Variants in EPB41L3 observed in about 807,000 individuals in gnomAD.
The protein encoded by EPB41L3 is erythrocyte membrane protein band 4.1 like 3, also known as band 4.1-like protein 3.
A neutral mutation model predicts 127.1 loss-of-function variants in EPB41L3; 57 were observed. The observed-to-expected ratio is 0.45, with a 90% CI of 0.36 to 0.56. EPB41L3 has a LOEUF of 0.56. EPB41L3 is among the 20% of genes least tolerant of loss of function. EPB41L3 has a pLI of 0.00. For missense variants in EPB41L3, 1,273 were observed against 1,372.2 expected, an observed-to-expected ratio of 0.93 and a Z score of 1.14; for synonymous variants, 572 against 549.5, an observed-to-expected ratio of 1.04 and a Z score of -0.57.
intron 3 of EPB41L3, among the ~76,000 whole-genome samples, chr18:5,461,155 T>C (rs1051455573): frequency 6.6e-6 from 1 of 152,162 alleles, no homozygotes; most frequent in Non-Finnish European, 1.5e-5. Flanking sequence ...GCATTTTGCT[T>C]GGGGTAATCA....
intron 5 of EPB41L3, among the ~76,000 whole-genome samples, chr18:5,440,695 T>C (rs1393704792): frequency 6.6e-6 from 1 of 152,220 alleles, no homozygotes; most frequent in Non-Finnish European, 1.5e-5. Flanking sequence ...GCCAGACAAA[T>C]CTTAAAATTT....
At chr18:5,488,762 C>G (rs1434937553) in intron 2 of EPB41L3, 4 of 459,968 alleles carry the variant, frequency 8.7e-6, no homozygotes, top group Non-Finnish European at 1.5e-5. Flanking sequence ...CCAATAATCT[C>G]CAGTCTGGAC....
intron 6 of EPB41L3, among the ~76,000 whole-genome samples, chr18:5,435,763 C>G (rs1206950754): frequency 6.6e-6 from 1 of 152,180 alleles, no homozygotes. Context: ...ACAGGTCTTA[C>G]TATACGAGCA....
Position 5,397,131 on chromosome 18 carries a change from G to A in EPB41L3, c.2768C>T (p.Ser923Phe), listed in dbSNP as rs1470262975. 3.7e-6 allele frequency: 6 copies of A among 1,614,164 alleles called. No individual in the cohort carries two copies. In the East Asian group the frequency reaches 8.9e-5, roughly 24 times the overall value. The change falls in exon 18 of 23, where the codon TCC (serine) becomes TTC (phenylalanine). Residue 923 changes from serine (S) to phenylalanine (F), a missense_variant. This residue lies in a region of EPB41L3 where 765 missense variants were observed against 782.9 expected (regional missense o/e 0.98). Coordinates refer to ENST00000341928, the MANE Select transcript of EPB41L3 (RefSeq NM_012307.5). The surrounding 1 kb of genome is among the most constrained non-coding windows in gnomAD (Gnocchi z 4.1). ...VLEQEETAAA[S>F]RERQEEQSAA... The stretch of plus-strand genomic sequence containing the variant: ...ACTCTGCTCCTCTTGTCGCTCACGG[G>A]AAGCAGCGGCTGTCTCTTCCTGTTC...
intron 1 of EPB41L3, among the ~76,000 whole-genome samples, chr18:5,624,779 C>G (rs2094903828): frequency 6.6e-6 from 1 of 152,188 alleles, no homozygotes; most frequent in Non-Finnish European, 1.5e-5. Context: ...GATGAAGTCA[C>G]AGCTCTCAAT....
chr18:5,532,862 T>C (rs1199892550), intron 1 of EPB41L3, among the ~76,000 whole-genome samples: 4 of 152,106 alleles, frequency 2.6e-5, no homozygotes, highest in Non-Finnish European at 5.9e-5. Context: ...TTTACAGTTC[T>C]AGTCAGGAGA....
At position 5,450,129 on chromosome 18, in the gene EPB41L3, G is replaced by A. The variant is rs565762335; in HGVS notation, c.382-4885C>T. ...TCATCCTGGAAAAGGCAAAACTAAG[G>A]GAAAAAGGCAAAACTAAAGGCAAAA... On this transcript the variant is annotated intron_variant, in intron 3 of 22. Transcript: ENST00000341928. 1.3e-4 allele frequency among the ~76,000 whole-genome samples: 20 copies of A among 152,048 alleles called. No individual in the cohort carries two copies. The East Asian group carries it at 2.1e-3, about 16-fold the overall frequency.
intron 1 of EPB41L3, among the ~76,000 whole-genome samples, chr18:5,504,173 C>A (rs1214743882): frequency 2.0e-5 from 3 of 152,162 alleles, no homozygotes; most frequent in Non-Finnish European, 4.4e-5. Context: ...GCCTTAGTGA[C>A]AACTCCAATC....
chr18:5,616,418 A>G (rs902830941), intron 1 of EPB41L3, among the ~76,000 whole-genome samples: 3 of 152,152 alleles, frequency 2.0e-5, no homozygotes, highest in Non-Finnish European at 4.4e-5. Flanking sequence ...AAATGCACCT[A>G]AAGTGTTTTT....
At chr18:5,402,511 T>C (rs1009246453) in intron 16 of EPB41L3, among the ~76,000 whole-genome samples, 1 of 152,170 alleles carries the variant, frequency 6.6e-6, no homozygotes, top group African/African-American at 2.4e-5. Flanking sequence ...AATGCCTCTG[T>C]CTTATAATTG....
chr18:5,444,841 C>T (rs192073965), intron 4 of EPB41L3, among the ~76,000 whole-genome samples: 57 of 152,210 alleles, frequency 3.7e-4, no homozygotes, highest in African/African-American at 1.3e-3. Context: ...ACATTACTCC[C>T]CCCAACCCCA....
chr18:5,625,868 G>A (rs1315131584), intron 1 of EPB41L3, among the ~76,000 whole-genome samples: 1 of 151,624 alleles, frequency 6.6e-6, no homozygotes, highest in Non-Finnish European at 1.5e-5. Flanking sequence ...ATTCACCCTT[G>A]TTTTCCCACC....
At position 5,487,899 on chromosome 18, in the gene EPB41L3, T is replaced by C. The variant is rs144824536; in HGVS notation, c.183+1102A>G. Among the ~76,000 whole-genome samples, 414 of 152,334 alleles carry C rather than the reference T, an allele frequency of 2.7e-3. 4 individuals are homozygous for C. The highest frequency in any genetic ancestry group is 9.7e-3 in the African/African-American group (403 of 41,584). ...CTTCCAAAGATTTTCACTAATATGC[T>C]GATTATATCTCTTATCTCAACATCT... On this transcript the variant is annotated intron_variant, in intron 2 of 22. Transcript: ENST00000341928.
At chr18:5,544,001 C>A, upstream of EPB41L3, 1 of 985,534 alleles carries the variant, frequency 1.0e-6, no homozygotes, top group Non-Finnish European at 1.2e-6. Context: ...GAGACTCGGG[C>A]GTGGGGAGGA....
At position 5,442,783 on chromosome 18, in the gene EPB41L3, T is replaced by A. The variant is rs979194023; in HGVS notation, c.529+1055A>T. Among the ~76,000 whole-genome samples the A allele has an allele frequency of 3.9e-5, 6 of 152,274 alleles. No homozygotes were observed. The East Asian group carries it at 9.6e-4, about 24-fold the overall frequency. On this transcript the variant is annotated intron_variant, in intron 5 of 22. Transcript: ENST00000341928. ...AGAGCTATCGGAAAGGGTAAAAAAA[T>A]TTTAAAAACTCCTCCTTCTCAACCC... is the stretch of plus-strand genomic sequence containing the variant.
At chr18:5,526,828 G>A (rs920791941) in intron 1 of EPB41L3, among the ~76,000 whole-genome samples, 12 of 152,120 alleles carry the variant, frequency 7.9e-5, no homozygotes, top group African/African-American at 2.9e-4. Context: ...ATTATCATTC[G>A]TGTTTCTTTA....
intron 3 of EPB41L3, among the ~76,000 whole-genome samples, chr18:5,563,686 G>C (rs1598995562): frequency 6.6e-6 from 1 of 152,152 alleles, no homozygotes; most frequent in East Asian, 1.9e-4. Flanking sequence ...TTAGGTAACT[G>C]CTGGTAATGG....
intron 5 of EPB41L3, among the ~76,000 whole-genome samples, chr18:5,442,717 G>A (rs879399696): frequency 2.6e-5 from 4 of 152,102 alleles, no homozygotes; most frequent in Non-Finnish European, 2.9e-5. Flanking sequence ...GAATAAAAAC[G>A]TAGTTATTTT....
chr18:5,413,082 G>A (rs2144549000), intron 13 of EPB41L3, among the ~76,000 whole-genome samples: 1 of 152,204 alleles, frequency 6.6e-6, no homozygotes, highest in East Asian at 1.9e-4. Context: ...TTTCTATAAT[G>A]TATGATGACT....
Sources: allele counts gnomAD v4.1 joint callset (sites outside exome capture counted in the v4.1 genomes callset), GRCh38; gene constraint gnomAD v4.1.1; regional missense constraint gnomAD v4.1.1; non-coding constraint Gnocchi (gnomAD v3.1); transcripts MANE v1.5; gene names NCBI Gene and HGNC (gene_info 2026-07-23, HGNC 2026-07-21).